Variants in ARFGEF3 observed in about 807,000 individuals in gnomAD.
ARFGEF3 encodes ARFGEF family member 3, also known as brefeldin A-inhibited guanine nucleotide-exchange protein 3.
A neutral mutation model predicts 221.7 loss-of-function variants in ARFGEF3; 96 were observed. The ratio of observed to expected loss-of-function variants is 0.43; its 90% CI spans 0.37 to 0.51. The LOEUF (loss-of-function observed/expected upper bound fraction) is 0.51. ARFGEF3 is among the 20% of genes least tolerant of loss of function. The pLI, the probability that ARFGEF3 is intolerant of heterozygous loss-of-function variation, is 0.00. For synonymous variants in ARFGEF3, 1,145 were observed against 1,126.8 expected, an observed-to-expected ratio of 1.02 and a Z score of -0.32; for missense variants, 2,410 against 2,789.9, an observed-to-expected ratio of 0.86 and a Z score of 3.07.
Position 138,280,171 on chromosome 6 carries a change from G to T in ARFGEF3, c.2461+7G>T, listed in dbSNP as rs1355305439. 1.2e-6 allele frequency: 2 copies of T among 1,613,028 alleles called. No homozygotes were observed. The highest frequency in any genetic ancestry group is 1.7e-6 in the Non-Finnish European group (2 of 1,179,446). On this transcript the variant is annotated splice_region_variant and intron_variant, in intron 14 of 33. Transcript: ENST00000251691. ...CTCATCACAATGCTGACCGGTCAGT[G>T]GTTCGTTGCAAGGCCTTGGGGCACG...
At chr6:138,279,494 G>A (rs6908924) in intron 13 of ARFGEF3, among the ~76,000 whole-genome samples, 20,416 of 152,232 alleles carry the variant, frequency 0.13, 2,564 homozygotes, top group African/African-American at 0.34. Context: ...TCCATGGTGT[G>A]CCCTATTATC....
Position 138,206,343 on chromosome 6 carries a change from C to CTTT in ARFGEF3, c.138-686_138-684dup, listed in dbSNP as rs542624433. Reference sequence around the variant, plus strand: ...CCTTTAAAATATCCAAATATCTCTCCTTTTTTTTTTTTTTTGTCTCTCCCC... The same window carrying CTTT: ...CCTTTAAAATATCCAAATATCTCTCCTTTTTTTTTTTTTTTTTTGTCTCTCCCC... On this transcript the variant is annotated intron_variant, in intron 2 of 33. Coordinates refer to ENST00000251691, the MANE Select transcript of ARFGEF3 (RefSeq NM_020340.5). Among the ~76,000 whole-genome samples, 147 of 135,050 alleles carry CTTT rather than the reference C, an allele frequency of 1.1e-3. 8 individuals carry two copies. In the East Asian group the frequency reaches 0.024, roughly 22 times the overall value. The allele number at this position is 135,050 out of a possible 152,430, so 88.6% of individuals were successfully genotyped here.
intron 4 of ARFGEF3, chr6:138,218,590 G>C (rs1777920805): frequency 9.8e-7 from 1 of 1,025,280 alleles, no homozygotes; most frequent in Admixed American, 3.5e-5. Context: ...TTTATGATTT[G>C]ATTATTCCAG....
chr6:138,258,073 A>G (rs1321077840), intron 10 of ARFGEF3, among the ~76,000 whole-genome samples: 1 of 151,960 alleles, frequency 6.6e-6, no homozygotes, highest in Non-Finnish European at 1.5e-5. Flanking sequence ...CAATTTTCCC[A>G]TTGCCCAGGG....
chr6:138,248,252 G>A (rs1778520057), intron 8 of ARFGEF3, among the ~76,000 whole-genome samples: 1 of 152,154 alleles, frequency 6.6e-6, no homozygotes, highest in South Asian at 2.1e-4. Context: ...CTTTCATCCT[G>A]TTCCAGCGCA....
intron 4 of ARFGEF3, among the ~76,000 whole-genome samples, chr6:138,224,129 C>T (rs1235294090): frequency 2.6e-5 from 4 of 152,156 alleles, no homozygotes; most frequent in Non-Finnish European, 5.9e-5. Context: ...TGGAAATGGT[C>T]CTGCAGAGGG....
At position 138,338,642 on chromosome 6, in the gene ARFGEF3, A is replaced by T. The variant is rs1465887488; in HGVS notation, c.*2156A>T. 6.6e-6 allele frequency: 1 copy of T among 152,140 alleles called. No individual in the cohort carries two copies. The highest frequency in any genetic ancestry group is 1.5e-5 in the Non-Finnish European group (1 of 68,044). The allele number at this position is 152,140 out of a possible 1,614,324, so 9.4% of individuals were successfully genotyped here. On this transcript the variant is annotated 3_prime_UTR_variant, in exon 34 of 34. Coordinates refer to ENST00000251691, the MANE Select transcript of ARFGEF3 (RefSeq NM_020340.5). ...TGGTGAAACCTCGTCTCTACTAAAAATACAAAAATTAGCCAGGTGTGGTAG... is the reference window on the plus strand; with the variant it reads ...TGGTGAAACCTCGTCTCTACTAAAATTACAAAAATTAGCCAGGTGTGGTAG...
chr6:138,331,319 C>T (rs560403496), intron 32 of ARFGEF3, among the ~76,000 whole-genome samples: 1 of 152,348 alleles, frequency 6.6e-6, no homozygotes, highest in South Asian at 2.1e-4. Context: ...CATTCCTTAA[C>T]ATTCTTTAAG....
In ARFGEF3 at chr6:138,280,119, G is replaced by A. The variant is rs1235973312; in HGVS notation, c.2416G>A (p.Gly806Ser). 1 of 1,613,906 alleles carries A rather than the reference G, an allele frequency of 6.2e-7. No homozygotes were observed. The highest frequency in any genetic ancestry group is 1.7e-5 in the Admixed American group (1 of 60,022). ...CATGCTTGGAGAGGCTGGCTATTGGGGCAGCCCAGAAGATAACAGCCTTCC... is the reference window on the plus strand; with the variant it reads ...CATGCTTGGAGAGGCTGGCTATTGGAGCAGCCCAGAAGATAACAGCCTTCC... ...RNMLGEAGYW[G>S]SPEDNSLPLI... The change falls in exon 14 of 34, where the codon GGC (glycine) becomes AGC (serine). Residue 806 changes from glycine (G) to serine (S), a missense_variant. By Grantham distance (56) the Gly-to-Ser change is moderately conservative. Around this residue, in one of 5 missense-constraint regions of ARFGEF3, gnomAD observed 594 missense variants for 734.3 expected, o/e 0.81. Coordinates refer to ENST00000251691, the MANE Select transcript of ARFGEF3 (RefSeq NM_020340.5).
At chr6:138,309,068 A>G (rs143280015) in intron 24 of ARFGEF3, among the ~76,000 whole-genome samples, 1 of 152,224 alleles carries the variant, frequency 6.6e-6, no homozygotes, top group African/African-American at 2.4e-5. Flanking sequence ...CATTGTATTC[A>G]TGGAATATCT....
chr6:138,257,405 C>G (rs1439066200), intron 10 of ARFGEF3, among the ~76,000 whole-genome samples: 2 of 152,184 alleles, frequency 1.3e-5, no homozygotes, highest in African/African-American at 4.8e-5. Context: ...ATCAGGGGCT[C>G]TTCCTGTACC....
intron 32 of ARFGEF3, among the ~76,000 whole-genome samples, chr6:138,331,661 C>G (rs950415041): frequency 2.0e-5 from 3 of 152,196 alleles, no homozygotes; most frequent in African/African-American, 7.2e-5. Flanking sequence ...TCTCAATTAT[C>G]CAGTCTGGAG....
At chr6:138,285,454 C>CAA (rs5880380) in intron 14 of ARFGEF3, among the ~76,000 whole-genome samples, 7 of 81,200 alleles carry the variant, frequency 8.6e-5, no homozygotes, top group Admixed American at 3.0e-4. Flanking sequence ...ACTCCCGTCT[C>CAA]AAAAAAAAAA....
intron 2 of ARFGEF3, among the ~76,000 whole-genome samples, chr6:138,172,339 A>AG (rs1189630457): frequency 2.0e-5 from 3 of 152,296 alleles, no homozygotes; most frequent in African/African-American, 7.2e-5. Flanking sequence ...TTGCTTCAAA[A>AG]CTGACGTTGC....
intron 22 of ARFGEF3, among the ~76,000 whole-genome samples, chr6:138,306,409 C>T (rs1372479323): frequency 6.6e-5 from 10 of 152,050 alleles, no homozygotes; most frequent in African/African-American, 1.7e-4. Flanking sequence ...ATAGATTCAG[C>T]GCAATTCCAA....
rs9494992 is a variant in ARFGEF3, at chr6:138,278,724, A to G, written c.2295+107A>G. On this transcript the variant is annotated intron_variant, in intron 13 of 33. Coordinates refer to ENST00000251691, the MANE Select transcript of ARFGEF3 (RefSeq NM_020340.5). The stretch of plus-strand genomic sequence containing the variant: ...GGGATGGCACAGCGTGTTTTGTTCC[A>G]GACTGCTCTAGGTTGGTAATGCCAG... 29,133 of 1,213,088 alleles carry G rather than the reference A, an allele frequency of 0.024. 4,019 individuals are homozygous for G. The African/African-American group carries it at 0.34, about 14-fold the overall frequency. 75.1% of individuals were successfully genotyped at this position (1,213,088 alleles called of 1,614,324 possible).
chr6:138,304,012 G>A (rs895986912), intron 22 of ARFGEF3, among the ~76,000 whole-genome samples: 5 of 151,758 alleles, frequency 3.3e-5, no homozygotes, highest in Non-Finnish European at 5.9e-5. Context: ...ATATAACCGA[G>A]AGAAATGAAA....
intron 2 of ARFGEF3, among the ~76,000 whole-genome samples, chr6:138,183,805 A>G (rs1777127150): frequency 6.6e-6 from 1 of 152,186 alleles, no homozygotes; most frequent in Admixed American, 6.5e-5. Context: ...GGAGATGGAA[A>G]CGGGAAGGTA....
intron 5 of ARFGEF3, among the ~76,000 whole-genome samples, chr6:138,230,191 T>A (rs780212276): frequency 6.6e-6 from 1 of 152,102 alleles, no homozygotes; most frequent in Non-Finnish European, 1.5e-5. Context: ...GCATTTGATT[T>A]AAAAAAATAG....
Sources: gnomAD v4.1 joint callset for allele counts (sites outside exome capture counted in the v4.1 genomes callset) on GRCh38, gnomAD v4.1.1 for gene constraint, gnomAD v4.1.1 regional missense constraint, MANE v1.5 for transcripts, NCBI Gene and HGNC (gene_info 2026-07-23, HGNC 2026-07-21) for gene names.